The following COL5A1 variants were observed in gnomAD, a reference collection of about 807,000 sequenced individuals.
COL5A1 encodes the protein collagen alpha-1(V) chain.
Under a neutral mutation model 263.7 loss-of-function variants are expected in COL5A1, and 16 were observed. The ratio of observed to expected loss-of-function variants is 0.06; its 90% CI spans 0.04 to 0.09. The LOEUF (loss-of-function observed/expected upper bound fraction) is 0.09, where lower values mean the gene tolerates loss of function less well. Among genes scored for constraint, COL5A1 ranks in the 10% least tolerant of loss-of-function variants. The pLI, the probability that COL5A1 is intolerant of heterozygous loss-of-function variation, is 1.00. For synonymous variants in COL5A1, 1,012 were observed against 1,004.5 expected, an observed-to-expected ratio of 1.01 and a Z score of -0.14; for missense variants, 2,036 against 2,540.5, an observed-to-expected ratio of 0.80 and a Z score of 4.27.
rs1426439969 is a variant in COL5A1, at chr9:134,652,642, G to C, written c.109+10346G>C. 4.3e-6 allele frequency: 2 copies of C among 469,830 alleles called. No individual in the cohort carries two copies. Among genetic ancestry groups the C allele is most frequent in the Non-Finnish European group, 8.8e-6 (2 of 226,426 alleles). The allele number at this position is 469,830 out of a possible 1,614,324, so 29.1% of individuals were successfully genotyped here. A position where few individuals can be genotyped will look rare whatever the true frequency, so the allele number is the denominator to read the frequency against. Reference sequence around the variant, plus strand: ...CGGGACAGCCCCCACCAAAAAGACTGACCCAGCCCGGAGGCTGCAGGAATC... The same window carrying C: ...CGGGACAGCCCCCACCAAAAAGACTCACCCAGCCCGGAGGCTGCAGGAATC... On this transcript the variant is annotated intron_variant, in intron 1 of 65. Coordinates refer to ENST00000371817, the MANE Select transcript of COL5A1 (RefSeq NM_000093.5). The surrounding 1 kb of genome is among the most constrained non-coding windows in gnomAD (Gnocchi z 4.4).
At chr9:134,782,453 C>G (rs1268567435) in intron 28 of COL5A1, 1 of 657,006 alleles carries the variant, frequency 1.5e-6, no homozygotes, top group African/African-American at 1.8e-5. Flanking sequence ...GGACGCAGCT[C>G]TCTCCAGCTT....
intron 2 of COL5A1, among the ~76,000 whole-genome samples, chr9:134,694,848 A>G (rs1032535372): frequency 1.3e-5 from 2 of 152,112 alleles, no homozygotes; most frequent in Non-Finnish European, 2.9e-5. Context: ...CCTCACGGTG[A>G]GGTGGCCTGA....
In COL5A1 at chr9:134,677,340, G is replaced by C. The variant is rs1336347360; in HGVS notation, c.110-13572G>C. The stretch of plus-strand genomic sequence containing the variant: ...CCTGCAGGGGAAAAGGCTCAGGGTG[G>C]TGGAGCTGCCCTTGGTTCTCAGGTA... On this transcript the variant is annotated intron_variant, in intron 1 of 65. Coordinates refer to ENST00000371817, the MANE Select transcript of COL5A1 (RefSeq NM_000093.5). The surrounding 1 kb of genome is among the most constrained non-coding windows in gnomAD (Gnocchi z 4.4). Among the ~76,000 whole-genome samples, 2 of 152,118 alleles carry C rather than the reference G, an allele frequency of 1.3e-5. No individual in the cohort carries two copies. The highest frequency in any genetic ancestry group is 3.9e-4 in the East Asian group (2 of 5,192).
rs777368013 is a variant in COL5A1 at position 134,801,972 on chromosome 9, G to A, written c.2971G>A (p.Gly991Ser). 6.8e-6 allele frequency: 11 copies of A among 1,613,290 alleles called. No individual in the cohort carries two copies. Among genetic ancestry groups the A allele is most frequent in the East Asian group, 2.2e-5 (1 of 44,866 alleles). The change falls in exon 38 of 66, where the codon GGC (glycine) becomes AGC (serine). Residue 991 changes from glycine to serine, a missense_variant. Transcript: ENST00000371817. ...RGETGFQGKT[G>S]PPGPPGVVGP... ...TTCACAGGGTTTCCAAGGCAAGACC[G>A]GCCCTCCAGGCCCCCCCGGCGTGGT... is the stretch of plus-strand genomic sequence containing the variant.
Position 134,805,152 on chromosome 9 carries a change from G to A in COL5A1, c.3205-9G>A. On this transcript the variant is annotated splice_polypyrimidine_tract_variant and intron_variant, in intron 40 of 65. Coordinates refer to ENST00000371817, the MANE Select transcript of COL5A1 (RefSeq NM_000093.5). ...CGTGCCCTTGACCAACCTTTTCATGGCTTTGCAGGGAGCTCTTGGACTGAA... is the reference window on the plus strand; with the variant it reads ...CGTGCCCTTGACCAACCTTTTCATGACTTTGCAGGGAGCTCTTGGACTGAA... 1 of 1,614,074 alleles carries A rather than the reference G, an allele frequency of 6.2e-7. No homozygotes were observed.
At position 134,642,466 on chromosome 9, in the gene COL5A1, C is replaced by T. The variant is rs1831327681; in HGVS notation, c.109+170C>T. On this transcript the variant is annotated intron_variant, in intron 1 of 65. Transcript: ENST00000371817. The surrounding 1 kb of genome is among the most constrained non-coding windows in gnomAD (Gnocchi z 4.5). Reference sequence around the variant, plus strand: ...GGGGCCCCCCCGAGATGACGACACGCAGACACAATGCCCGCGGGCGCGCCG... The same window carrying T: ...GGGGCCCCCCCGAGATGACGACACGTAGACACAATGCCCGCGGGCGCGCCG... Among the ~76,000 whole-genome samples the T allele has an allele frequency of 6.6e-6, 1 of 151,492 alleles. No individual in the cohort carries two copies. The highest frequency in any genetic ancestry group is 1.5e-5 in the Non-Finnish European group (1 of 67,760).
At chr9:134,670,879 G>C (rs961335139) in intron 1 of COL5A1, among the ~76,000 whole-genome samples, 2 of 152,168 alleles carry the variant, frequency 1.3e-5, no homozygotes, top group Non-Finnish European at 2.9e-5. Context: ...GCTGACTTGC[G>C]GGTCTTCTCC....
At chr9:134,815,471 TGGACGGTGGCAGGTGGCCATCTTGAGGTG>T in intron 50 of COL5A1, 76 bp from the exon 51 acceptor site, 1 of 1,143,988 alleles carries the variant, frequency 8.7e-7, no homozygotes. Context: ...TCTTAGGAGC[TGGACGGTGGCAGGTGGCCATCTTGAGGTG>T]GTGACATGAT....
chr9:134,803,030 G>A (rs377624542), intron 39 of COL5A1, 35 bp downstream of exon 39: 134 of 1,501,362 alleles, frequency 8.9e-5, no homozygotes, highest in Non-Finnish European at 1.1e-4. Flanking sequence ...CAGCTCAGGC[G>A]TTTCCTCAGG....
At chr9:134,809,317 G>A in intron 43 of COL5A1, 27 bp downstream of exon 43, 1 of 1,521,788 alleles carries the variant, frequency 6.6e-7, no homozygotes, top group Non-Finnish European at 9.0e-7. Flanking sequence ...GTGACCCATG[G>A]CTGGGCCTGG....
intron 28 of COL5A1, among the ~76,000 whole-genome samples, chr9:134,782,151 G>A (rs1473225420): frequency 2.0e-5 from 3 of 152,174 alleles, no homozygotes; most frequent in South Asian, 2.1e-4. Context: ...CCAGGGGTGC[G>A]CGGGCCGCTG....
In COL5A1 at chr9:134,824,714, G is replaced by A. The variant is rs1024649360; in HGVS notation, c.4813G>A (p.Ala1605Thr). ...GAATGGCGAGAACTACGTGGACTAC[G>A]CGGACGGCATGGAAGAGATCTTCGG... is the stretch of plus-strand genomic sequence containing the variant. ...DGNGENYVDY[A>T]DGMEEIFGSL... Residue 1605 changes from alanine (A) to threonine (T), a missense_variant, in exon 62 of 66, where the codon GCG (alanine) becomes ACG (threonine). Ala to Thr is a moderately conservative substitution (Grantham distance 58). Around this residue, in one of 3 missense-constraint regions of COL5A1, gnomAD observed 358 missense variants for 384.6 expected, o/e 0.93. Coordinates refer to ENST00000371817, the MANE Select transcript of COL5A1 (RefSeq NM_000093.5). 7 of 1,614,100 alleles carry A rather than the reference G, an allele frequency of 4.3e-6. No individual in the cohort carries two copies. Among genetic ancestry groups the A allele is most frequent in the Admixed American group, 1.7e-5 (1 of 60,016 alleles).
Position 134,835,195 on chromosome 9 carries a change from C to A in COL5A1, c.5361C>A (p.Asp1787Glu), listed in dbSNP as rs776090002. 1 of 1,613,326 alleles carries A rather than the reference C, an allele frequency of 6.2e-7. No individual in the cohort carries two copies. Among genetic ancestry groups the A allele is most frequent in the East Asian group, 2.2e-5 (1 of 44,894 alleles). The change falls in exon 65 of 66, where the codon GAC becomes GAA. Residue 1787 changes from aspartate (D) to glutamate (E), a missense_variant. Asp to Glu is a conservative substitution (Grantham distance 45). Coordinates refer to ENST00000371817, the MANE Select transcript of COL5A1 (RefSeq NM_000093.5). ...ACCCCTACATCCGCGCCCTGGTGGACGGCTGTGCTGTGAGTATCCCGCGCC... is the reference window on the plus strand; with the variant it reads ...ACCCCTACATCCGCGCCCTGGTGGAAGGCTGTGCTGTGAGTATCCCGCGCC... Reference protein sequence around the residue: ...DNNPYIRALVDGCATKKGYQK... With the variant: ...DNNPYIRALVEGCATKKGYQK...
At chr9:134,753,774 CCTG>C in intron 14 of COL5A1, 73 bp from the exon 15 acceptor site, 3 of 846,342 alleles carry the variant, frequency 3.5e-6, no homozygotes, top group Non-Finnish European at 5.9e-6. Context: ...CTGCCCCTCC[CCTG>C]CCACCCCCAG....
intron 11 of COL5A1, among the ~76,000 whole-genome samples, chr9:134,747,951 G>A (rs1188250950): frequency 1.1e-5 from 1 of 91,042 alleles, no homozygotes; most frequent in Non-Finnish European, 2.5e-5. Flanking sequence ...TCATACACAT[G>A]CAGACACATG....
chr9:134,785,248 C>T, intron 30 of COL5A1, 152 bp downstream of exon 30: 1 of 636,466 alleles, frequency 1.6e-6, no homozygotes, highest in South Asian at 1.9e-5. Context: ...GTTCTCTCTG[C>T]TGTTCCTATG....
Position 134,696,160 on chromosome 9 carries a change from C to T in COL5A1, c.278-3749C>T, listed in dbSNP as rs528593207. On this transcript the variant is annotated intron_variant, in intron 2 of 65. Transcript: ENST00000371817. The surrounding 1 kb of genome is among the most constrained non-coding windows in gnomAD (Gnocchi z 4.3). The stretch of plus-strand genomic sequence containing the variant: ...TGCCACCCTGCCCCACTGCCCCCTG[C>T]ATTATTTGCAATTATTATTATTATT... Among the ~76,000 whole-genome samples the T allele has an allele frequency of 4.9e-4, 74 of 152,062 alleles. No individual in the cohort carries two copies. The highest frequency in any genetic ancestry group is 8.7e-4 in the Non-Finnish European group (59 of 67,990).
Position 134,809,168 on chromosome 9 carries a change from T to G in COL5A1, c.3367-15T>G, listed in dbSNP as rs1345997499. ...TTGGAGCCACGTTTGACCTGAGATC[T>G]TCTGTATTCTCTAGGGCGAGAAAGG... On this transcript the variant is annotated splice_polypyrimidine_tract_variant and intron_variant, in intron 42 of 65. Coordinates refer to ENST00000371817, the MANE Select transcript of COL5A1 (RefSeq NM_000093.5). The G allele has an allele frequency of 1.3e-6, 2 of 1,560,892 alleles. No homozygotes were observed. The highest frequency in any genetic ancestry group is 1.7e-6 in the Non-Finnish European group (2 of 1,150,938).
intron 65 of COL5A1, among the ~76,000 whole-genome samples, chr9:134,835,473 G>A (rs767444530): frequency 2.0e-5 from 3 of 152,214 alleles, no homozygotes; most frequent in Admixed American, 6.5e-5. Flanking sequence ...TGGGTCCCTC[G>A]CCCCATCCAG....
Sources: allele counts gnomAD v4.1 joint callset (sites outside exome capture counted in the v4.1 genomes callset), GRCh38; gene constraint gnomAD v4.1.1; regional missense constraint gnomAD v4.1.1; non-coding constraint Gnocchi (gnomAD v3.1); transcripts MANE v1.5; gene names NCBI Gene and HGNC (gene_info 2026-07-23, HGNC 2026-07-21).